The following KDM5A variants were observed in gnomAD, a reference collection of about 807,000 sequenced individuals.
KDM5A encodes the protein lysine demethylase 5A.
KDM5A carries 42 observed loss-of-function variants against 193.5 expected under a neutral mutation model. The observed-to-expected ratio is 0.22, with a 90% CI of 0.17 to 0.28. The LOEUF (loss-of-function observed/expected upper bound fraction) is 0.28. Ranked by LOEUF, KDM5A falls within the 10% of genes least tolerant of loss-of-function variation. The pLI, the probability that KDM5A is intolerant of heterozygous loss-of-function variation, is 1.00. For missense variants in KDM5A, 1,692 were observed against 2,055.1 expected, an observed-to-expected ratio of 0.82 and a Z score of 3.42; for synonymous variants, 796 against 718.1, an observed-to-expected ratio of 1.11 and a Z score of -1.73.
chr12:284,837 T>C lies in KDM5A; in HGVS notation c.*619A>G, dbSNP rs983717893. 4.3e-5 allele frequency: 10 copies of C among 234,166 alleles called. No homozygotes were observed. The highest frequency in any genetic ancestry group is 7.6e-5 in the Non-Finnish European group (9 of 118,722). The allele number at this position is 234,166 out of a possible 1,614,324, so 14.5% of individuals were successfully genotyped here. A position where few individuals can be genotyped will look rare whatever the true frequency, so the allele number is the denominator to read the frequency against. The stretch of plus-strand genomic sequence containing the variant: ...AGATAAGGTGACCTGCCCCAGCTTG[T>C]GAGAGGTTCTCCTATTTGGGATGTT... On this transcript the variant is annotated 3_prime_UTR_variant, in exon 28 of 28. Transcript: ENST00000399788.
intron 2 of KDM5A, 146 bp from the exon 3 acceptor site, chr12:384,299 G>A (rs1944613433): frequency 4.4e-6 from 3 of 688,552 alleles, no homozygotes. Context: ...GTGAGCAGCG[G>A]CAGTGGGCAA....
chr12:363,302 A>G (rs1944315443), intron 4 of KDM5A, among the ~76,000 whole-genome samples: 1 of 152,220 alleles, frequency 6.6e-6, no homozygotes, highest in Admixed American at 6.5e-5. Flanking sequence ...ATTTATTTGG[A>G]AATATAAGTT....
chr12:386,270 A>T (rs1388212451), intron 1 of KDM5A, among the ~76,000 whole-genome samples: 1 of 152,232 alleles, frequency 6.6e-6, no homozygotes, highest in Non-Finnish European at 1.5e-5. Context: ...ACCAAGCCTA[A>T]ATACAAAATT....
At chr12:297,233 TAG>T (rs1270631041) in intron 24 of KDM5A, 33 bp from the exon 25 acceptor site, 3 of 1,607,724 alleles carry the variant, frequency 1.9e-6, no homozygotes, top group Non-Finnish European at 2.6e-6. Flanking sequence ...TATTCAGAAT[TAG>T]AGTCATTTAA....
rs899028460 is a variant in KDM5A, at chr12:293,136, T to C, written c.4489A>G (p.Lys1497Glu). The change falls in exon 27 of 28, where the codon AAA becomes GAA. Residue 1497 changes from lysine (K) to glutamate (E), a missense_variant. By Grantham distance (56) the Lys-to-Glu change is moderately conservative (BLOSUM62 1). This residue lies in a region of KDM5A where 965 missense variants were observed against 1,061.0 expected (regional missense o/e 0.91). Transcript: ENST00000399788. ...DSMEEKPLKV[K>E]GKDSSEKKRK... ...TTCTTCTCTGAAGAGTCCTTTCCTT[T>C]CACTTTTAGTGGTTTCTCTTCCATG... The C allele has an allele frequency of 6.2e-7, 1 of 1,609,942 alleles. No individual in the cohort carries two copies. Among genetic ancestry groups the C allele is most frequent in the African/African-American group, 1.3e-5 (1 of 74,568 alleles).
chr12:357,887 A>G (rs950394371), intron 5 of KDM5A, among the ~76,000 whole-genome samples: 5 of 145,004 alleles, frequency 3.4e-5, no homozygotes, highest in East Asian at 2.0e-4. Flanking sequence ...CCTTCCTGCT[A>G]AAGGACTCCG....
intron 3 of KDM5A, among the ~76,000 whole-genome samples, chr12:372,211 A>T (rs367558823): frequency 6.6e-6 from 1 of 152,116 alleles, no homozygotes; most frequent in Non-Finnish European, 1.5e-5. Flanking sequence ...TTTCACGATA[A>T]TGATTCTTCC....
intron 12 of KDM5A, chr12:332,973 C>G (rs1228699729): frequency 6.0e-6 from 1 of 166,318 alleles, no homozygotes; most frequent in Non-Finnish European, 1.3e-5. Flanking sequence ...AAGAATGATT[C>G]ATACTTTAAC....
chr12:310,065 C>G (rs1032248634), intron 21 of KDM5A, 101 bp from the exon 22 acceptor site: 1 of 1,256,144 alleles, frequency 8.0e-7, no homozygotes, highest in Middle Eastern at 2.0e-4. Flanking sequence ...CCATGTCCCA[C>G]GCACTTTCTT....
chr12:381,315 G>A (rs558423513), intron 3 of KDM5A, among the ~76,000 whole-genome samples: 96 of 151,462 alleles, frequency 6.3e-4, no homozygotes, highest in Non-Finnish European at 1.3e-3. Context: ...TCATCATGTT[G>A]GCCAGGCTGG....
At chr12:379,290 GC>G (rs745339137) in intron 3 of KDM5A, among the ~76,000 whole-genome samples, 52 of 152,172 alleles carry the variant, frequency 3.4e-4, no homozygotes, top group Non-Finnish European at 6.6e-4. Flanking sequence ...GCAGTTTTCA[GC>G]CCAAGCCTCT....
chr12:302,109 A>ATC (rs1943449115), intron 24 of KDM5A, among the ~76,000 whole-genome samples: 1 of 152,234 alleles, frequency 6.6e-6, no homozygotes, highest in Admixed American at 6.5e-5. Flanking sequence ...AAAGTAATTT[A>ATC]CAGATTCAAT....
chr12:365,810 C>G (rs1000306668), intron 4 of KDM5A, 124 bp downstream of exon 4: 9 of 765,182 alleles, frequency 1.2e-5, no homozygotes, highest in Admixed American at 2.0e-5. Context: ...GATTTTTACA[C>G]TATGATATAC....
intron 20 of KDM5A, 24 bp downstream of exon 20, chr12:313,032 G>C (rs375545034): frequency 6.2e-7 from 1 of 1,611,914 alleles, no homozygotes; most frequent in African/African-American, 1.3e-5. Context: ...CCTGATAGGT[G>C]GGATAATCCA....
chr12:333,734 T>C, intron 11 of KDM5A, 85 bp from the exon 12 acceptor site: 1 of 1,222,318 alleles, frequency 8.2e-7, no homozygotes, highest in East Asian at 2.3e-5. Context: ...CAAATTATAA[T>C]TAACTTGTCT....
chr12:340,694 CAAAAA>C (rs375465074), intron 10 of KDM5A, among the ~76,000 whole-genome samples: 2 of 51,126 alleles, frequency 3.9e-5, no homozygotes, highest in African/African-American at 1.2e-4. Flanking sequence ...GACTCCATCA[CAAAAA>C]AAAAAAAAAA....
chr12:300,680 C>A (rs1943430582), intron 24 of KDM5A, among the ~76,000 whole-genome samples: 1 of 152,106 alleles, frequency 6.6e-6, no homozygotes, highest in South Asian at 2.1e-4. Context: ...TAACTAAGAT[C>A]AGAGCAGAAC....
At chr12:304,517 T>C (rs1226573710) in intron 24 of KDM5A, among the ~76,000 whole-genome samples, 3 of 147,402 alleles carry the variant, frequency 2.0e-5, no homozygotes, top group Non-Finnish European at 4.4e-5. Flanking sequence ...TATAGCTCAG[T>C]GGTAGAGCAT....
chr12:382,889 G>A (rs1235641221), intron 3 of KDM5A, among the ~76,000 whole-genome samples: 1 of 151,140 alleles, frequency 6.6e-6, no homozygotes, highest in Non-Finnish European at 1.5e-5. Context: ...CCAAGATCAG[G>A]CCATTGCACT....
Sources: allele counts gnomAD v4.1 joint callset (sites outside exome capture counted in the v4.1 genomes callset), GRCh38; gene constraint gnomAD v4.1.1; regional missense constraint gnomAD v4.1.1; transcripts MANE v1.5; gene names NCBI Gene and HGNC (gene_info 2026-07-23, HGNC 2026-07-21).